The following IQGAP2 variants were observed in gnomAD, a reference collection of about 807,000 sequenced individuals.
IQGAP2 encodes the protein ras GTPase-activating-like protein IQGAP2.
A neutral mutation model predicts 201.3 loss-of-function variants in IQGAP2; 173 were observed. The observed-to-expected ratio is 0.86, with a 90% CI of 0.76 to 0.98. The LOEUF (loss-of-function observed/expected upper bound fraction) is 0.98. Among genes scored for constraint, IQGAP2 ranks in the 50% least tolerant of loss-of-function variants. IQGAP2 has a pLI of 0.00. For synonymous variants in IQGAP2, 675 were observed against 673.9 expected, an observed-to-expected ratio of 1.00 and a Z score of -0.03; for missense variants, 1,687 against 1,864.8, an observed-to-expected ratio of 0.90 and a Z score of 1.76.
chr5:76,632,614 C>T (rs541089684), intron 15 of IQGAP2, among the ~76,000 whole-genome samples: 2 of 152,174 alleles, frequency 1.3e-5, no homozygotes, highest in East Asian at 3.9e-4. Flanking sequence ...ATGGTAGACC[C>T]AAGGACAATT....
chr5:76,592,978 T>A (rs979343281), intron 9 of IQGAP2, 53 bp downstream of exon 9: 96 of 1,212,110 alleles, frequency 7.9e-5, no homozygotes, highest in Non-Finnish European at 9.5e-5. Context: ...ATACAGACTT[T>A]CCTTGCCAGA....
At chr5:76,561,144 C>T (rs897877003) in intron 2 of IQGAP2, among the ~76,000 whole-genome samples, 1 of 152,180 alleles carries the variant, frequency 6.6e-6, no homozygotes, top group Non-Finnish European at 1.5e-5. Flanking sequence ...ATTAAAAACT[C>T]ATGAATTTTG....
chr5:76,524,630 T>C (rs190052603), intron 2 of IQGAP2, among the ~76,000 whole-genome samples: 1 of 152,134 alleles, frequency 6.6e-6, no homozygotes. Flanking sequence ...AACATAAGAG[T>C]TGAACAAGCC....
chr5:76,695,835 C>CTTTTTTTTTTTTTTTT, intron 32 of IQGAP2, among the ~76,000 whole-genome samples, 169 bp downstream of exon 32: 2 of 83,092 alleles, frequency 2.4e-5, no homozygotes, highest in Non-Finnish European at 4.3e-5. Flanking sequence ...CAGTTGATGA[C>CTTTTTTTTTTTTTTTT]TTTTTTTTTT....
At chr5:76,422,744 C>G (rs938581602) in intron 1 of IQGAP2, among the ~76,000 whole-genome samples, 1 of 152,212 alleles carries the variant, frequency 6.6e-6, no homozygotes. Flanking sequence ...CATGTACACA[C>G]AGCTCTAAGA....
At chr5:76,486,438 A>G (rs1756140694) in intron 2 of IQGAP2, among the ~76,000 whole-genome samples, 2 of 152,212 alleles carry the variant, frequency 1.3e-5, no homozygotes, top group South Asian at 4.1e-4. Flanking sequence ...TTTCTGGCTT[A>G]TATTAATATA....
intron 30 of IQGAP2, among the ~76,000 whole-genome samples, chr5:76,690,861 G>C (rs1309346920): frequency 6.6e-6 from 1 of 152,200 alleles, no homozygotes; most frequent in Non-Finnish European, 1.5e-5. Flanking sequence ...GCCACCTGTG[G>C]CCAGTGGCGG....
chr5:76,429,210 A>G (rs1180298115), intron 1 of IQGAP2, among the ~76,000 whole-genome samples: 1 of 152,148 alleles, frequency 6.6e-6, no homozygotes, highest in African/African-American at 2.4e-5. Context: ...TTACCCAAAT[A>G]TAATCATTTT....
At chr5:76,688,435 A>G (rs370940274) in intron 30 of IQGAP2, among the ~76,000 whole-genome samples, 2 of 152,194 alleles carry the variant, frequency 1.3e-5, no homozygotes, top group Non-Finnish European at 2.9e-5. Context: ...TGCTAGTCTC[A>G]TAATTCTTAC....
At chr5:76,640,784 C>A in intron 16 of IQGAP2, 149 bp from the exon 17 acceptor site, 1 of 540,168 alleles carries the variant, frequency 1.9e-6, no homozygotes, top group Non-Finnish European at 3.2e-6. Context: ...AAGCCAGTTT[C>A]ATCCCTCAGC....
In IQGAP2 at chr5:76,611,165, T is replaced by A; in HGVS notation, c.1503T>A (p.Ala501=). ...AQHYQDVLYH[A]KSQKLGDSES... ...ACTACCAGGATGTTTTATACCATGCTAAATCACAGAAACTCGGAGTAAGTT... is the reference window on the plus strand; with the variant it reads ...ACTACCAGGATGTTTTATACCATGCAAAATCACAGAAACTCGGAGTAAGTT... Residue 501 remains alanine, a synonymous_variant, in exon 13 of 36, where the codon GCT becomes GCA. Coordinates refer to ENST00000274364, the MANE Select transcript of IQGAP2 (RefSeq NM_006633.5). The A allele has an allele frequency of 2.5e-6, 4 of 1,609,440 alleles. No homozygotes were observed. The highest frequency in any genetic ancestry group is 3.4e-6 in the Non-Finnish European group (4 of 1,178,800).
At chr5:76,533,469 A>C (rs2150209893) in intron 2 of IQGAP2, among the ~76,000 whole-genome samples, 1 of 151,984 alleles carries the variant, frequency 6.6e-6, no homozygotes, top group Middle Eastern at 3.4e-3. Context: ...TTATATATTT[A>C]TTGAGCATTT....
chr5:76,530,642 T>TTTACC (rs59076513), intron 2 of IQGAP2, among the ~76,000 whole-genome samples: 119,800 of 151,742 alleles, frequency 0.79, 48,289 homozygotes, highest in East Asian at 0.96. Context: ...AGGAGGGCTC[T>TTTACC]TTAACAATTT....
At chr5:76,557,292 C>G (rs1047918745) in intron 2 of IQGAP2, among the ~76,000 whole-genome samples, 1 of 152,168 alleles carries the variant, frequency 6.6e-6, no homozygotes, top group African/African-American at 2.4e-5. Flanking sequence ...AGAAAATCAA[C>G]AGAATCTGAG....
chr5:76,435,211 A>G (rs780318808), intron 1 of IQGAP2, among the ~76,000 whole-genome samples: 1 of 151,924 alleles, frequency 6.6e-6, no homozygotes, highest in Non-Finnish European at 1.5e-5. Flanking sequence ...TAGTTTAGTT[A>G]GGTCCCATTT....
chr5:76,642,989 A>G (rs1018819264), intron 17 of IQGAP2, among the ~76,000 whole-genome samples: 1 of 152,208 alleles, frequency 6.6e-6, no homozygotes, highest in African/African-American at 2.4e-5. Context: ...GAGCAGTTAG[A>G]AGTCCCCGAT....
intron 13 of IQGAP2, chr5:76,615,366 T>C (rs1748846657): frequency 6.6e-6 from 1 of 152,252 alleles, no homozygotes; most frequent in Non-Finnish European, 1.5e-5. Flanking sequence ...ATTCTCACTT[T>C]AGTGTTTACC....
chr5:76,608,853 A>G, intron 12 of IQGAP2: 1 of 364,322 alleles, frequency 2.7e-6, no homozygotes, highest in Non-Finnish European at 5.2e-6. Flanking sequence ...AATTCTGTGT[A>G]GGTTACCTCA....
At chr5:76,467,501 G>A (rs1444532002) in intron 2 of IQGAP2, among the ~76,000 whole-genome samples, 1 of 152,196 alleles carries the variant, frequency 6.6e-6, no homozygotes, top group Non-Finnish European at 1.5e-5. Flanking sequence ...AAATGTTAGT[G>A]AGGATGTAGA....
Sources: gnomAD v4.1 joint callset for allele counts (sites outside exome capture counted in the v4.1 genomes callset) on GRCh38, gnomAD v4.1.1 for gene constraint, MANE v1.5 for transcripts, NCBI Gene and HGNC (gene_info 2026-07-23, HGNC 2026-07-21) for gene names.